KIF26B: variants seen among roughly 807,000 people sequenced by gnomAD.
KIF26B encodes the protein kinesin family member 26B, also known as kinesin-like protein KIF26B.
In KIF26B, 63 loss-of-function variants were observed where a neutral mutation model predicts 151.2. The ratio of observed to expected loss-of-function variants is 0.42; its 90% CI spans 0.34 to 0.51. KIF26B has a LOEUF of 0.51. Among genes scored for constraint, KIF26B ranks in the 20% least tolerant of loss-of-function variants. KIF26B has a pLI of 0.07. For synonymous variants in KIF26B, 1,357 were observed against 1,262.1 expected (o/e 1.08, Z -1.59); for missense variants, 2,813 against 2,913.6 (o/e 0.97, Z 0.79).
intron 5 of KIF26B, among the ~76,000 whole-genome samples, chr1:245,543,903 GCGCCACTGTA>G (rs1339184960): frequency 2.0e-5 from 3 of 152,104 alleles, no homozygotes; most frequent in Admixed American, 2.0e-4. Context: ...AGCAGAGATC[GCGCCACTGTA>G]CTCCAGCCTT....
intron 2 of KIF26B, among the ~76,000 whole-genome samples, chr1:245,198,399 G>A (rs980192140): frequency 2.0e-5 from 3 of 152,354 alleles, no homozygotes; most frequent in South Asian, 2.1e-4. Flanking sequence ...AAATAAAGAT[G>A]TAAAGTGATT....
chr1:245,258,118 G>C (rs568888772), intron 2 of KIF26B, among the ~76,000 whole-genome samples: 3 of 152,126 alleles, frequency 2.0e-5, no homozygotes, highest in Admixed American at 1.3e-4. Flanking sequence ...GGAGCTTGAC[G>C]TGGCTACTGT....
intron 4 of KIF26B, among the ~76,000 whole-genome samples, chr1:245,464,020 C>T (rs776527188): frequency 1.3e-5 from 2 of 152,190 alleles, no homozygotes; most frequent in Non-Finnish European, 2.9e-5. Flanking sequence ...CTCTGGAAAA[C>T]GTGCACAGAC....
Position 245,687,322 on chromosome 1 carries a change from G to A in KIF26B, c.4339G>A (p.Glu1447Lys). ...GGACCCGTGGCTGAAACGAGAAGAG[G>A]AAGTGAAAAAAGAGACGGCTCATCC... ...FEDPWLKREE[E>K]VKKETAHPNE... Residue 1447 changes from glutamate to lysine, a missense_variant, in exon 12 of 15, where the codon GAA (glutamate) becomes AAA (lysine). Around this residue, in one of 3 missense-constraint regions of KIF26B, gnomAD observed 2,060 missense variants for 2,088.6 expected, o/e 0.99. Transcript: ENST00000407071. The surrounding 1 kb of genome is among the most constrained non-coding windows in gnomAD (Gnocchi z 4.9). The A allele has an allele frequency of 6.2e-7, 1 of 1,602,292 alleles. No individual in the cohort carries two copies. The highest frequency in any genetic ancestry group is 2.3e-5 in the East Asian group (1 of 44,432).
In KIF26B at chr1:245,686,047, C is replaced by T. The variant is rs766305384; in HGVS notation, c.3064C>T (p.Pro1022Ser). The T allele has an allele frequency of 1.3e-6, 2 of 1,595,354 alleles. No individual in the cohort carries two copies. The highest frequency in any genetic ancestry group is 1.3e-5 in the African/African-American group (1 of 74,444). Residue 1022 changes from proline (P) to serine (S), a missense_variant, in exon 12 of 15, where the codon CCC (proline) becomes TCC (serine). Transcript: ENST00000407071. The surrounding 1 kb of genome is among the most constrained non-coding windows in gnomAD (Gnocchi z 5.6). ...CGCCCACAGCCCCAGCCCGGCCTCACCCAGGAGCGTCCCGGGCAGCAGTAG... is the reference window on the plus strand; with the variant it reads ...CGCCCACAGCCCCAGCCCGGCCTCATCCAGGAGCGTCCCGGGCAGCAGTAG... ...APAHSPSPAS[P>S]RSVPGSSSQH...
chr1:245,588,891 C>G (rs764530887), intron 5 of KIF26B, among the ~76,000 whole-genome samples: 1 of 152,116 alleles, frequency 6.6e-6, no homozygotes, highest in African/African-American at 2.4e-5. Context: ...AGTTACTGGA[C>G]GTTCTTGCTC....
chr1:245,573,102 CAAA>C (rs2103124094), intron 5 of KIF26B, among the ~76,000 whole-genome samples: 1 of 152,238 alleles, frequency 6.6e-6, no homozygotes, highest in South Asian at 2.1e-4. Flanking sequence ...AGACCAGAAA[CAAA>C]GGGTTATGCT....
Position 245,233,192 on chromosome 1 carries a change from C to T in KIF26B, c.465+76509C>T, listed in dbSNP as rs558369773. 6.6e-5 allele frequency among the ~76,000 whole-genome samples: 10 copies of T among 152,298 alleles called. No homozygotes were observed. The South Asian group carries it at 2.1e-3, about 32-fold the overall frequency. Reference sequence around the variant, plus strand: ...GAAATGATTAGGACACATTTCCATCCTCCAAGAGGCTCACAGGGCCCAGAA... The same window carrying T: ...GAAATGATTAGGACACATTTCCATCTTCCAAGAGGCTCACAGGGCCCAGAA... On this transcript the variant is annotated intron_variant, in intron 2 of 14. Transcript: ENST00000407071.
chr1:245,309,865 A>T (rs1396221985), intron 2 of KIF26B, among the ~76,000 whole-genome samples: 1 of 146,324 alleles, frequency 6.8e-6, no homozygotes, highest in Non-Finnish European at 1.5e-5. Context: ...TATTTAATAT[A>T]TATAATAAAT....
chr1:245,507,717 C>A (rs903018458), intron 4 of KIF26B, among the ~76,000 whole-genome samples: 1 of 152,108 alleles, frequency 6.6e-6, no homozygotes, highest in Non-Finnish European at 1.5e-5. Context: ...AGGAGAGTCC[C>A]GGGAGGCAGC....
At position 245,262,998 on chromosome 1, in the gene KIF26B, G is replaced by C. The variant is rs78340261; in HGVS notation, c.466-103836G>C. On this transcript the variant is annotated intron_variant, in intron 2 of 14. Coordinates refer to ENST00000407071, the MANE Select transcript of KIF26B (RefSeq NM_018012.4). The stretch of plus-strand genomic sequence containing the variant: ...ATACCTGGCACATAAGAAAAATTCT[G>C]TAAGTATTCATTGTTCTTGTTATTA... Among the ~76,000 whole-genome samples the C allele has an allele frequency of 1.9e-4, 29 of 152,324 alleles. No homozygotes were observed. The East Asian group carries it at 5.4e-3, about 28-fold the overall frequency.
chr1:245,467,634 C>G (rs542541744), intron 4 of KIF26B, among the ~76,000 whole-genome samples: 2 of 152,142 alleles, frequency 1.3e-5, no homozygotes, highest in Non-Finnish European at 2.9e-5. Context: ...GTGGCTCATG[C>G]CTGTAATCTC....
intron 2 of KIF26B, among the ~76,000 whole-genome samples, chr1:245,222,296 G>A (rs1282616758): frequency 6.6e-6 from 1 of 152,144 alleles, no homozygotes; most frequent in Admixed American, 6.6e-5. Context: ...AATTAGCCAG[G>A]TGTGGTGGTG....
chr1:245,399,913 GAA>G (rs1673953058), intron 3 of KIF26B, among the ~76,000 whole-genome samples: 1 of 152,046 alleles, frequency 6.6e-6, no homozygotes, highest in Non-Finnish European at 1.5e-5. Context: ...ATAATTTGCC[GAA>G]GTTTACTTTA....
chr1:245,592,250 G>T (rs1164397341), intron 5 of KIF26B, among the ~76,000 whole-genome samples: 1 of 152,178 alleles, frequency 6.6e-6, no homozygotes, highest in Non-Finnish European at 1.5e-5. Flanking sequence ...CGGCACCTCG[G>T]AGAAGCCAGC....
At chr1:245,363,990 T>C (rs1483020967) in intron 2 of KIF26B, among the ~76,000 whole-genome samples, 4 of 152,158 alleles carry the variant, frequency 2.6e-5, no homozygotes, top group South Asian at 4.2e-4. Context: ...GCTCCATGTA[T>C]GTACGGATTG....
Position 245,512,076 on chromosome 1 carries a change from T to C in KIF26B, c.1167-28691T>C, listed in dbSNP as rs1416482880. 1.3e-5 allele frequency among the ~76,000 whole-genome samples: 2 copies of C among 152,190 alleles called. No individual in the cohort carries two copies. The highest frequency in any genetic ancestry group is 3.8e-4 in the East Asian group (2 of 5,204). ...AGGTCATCAAAAGAGATGGCTGATATTTTTTATGGTCATTTGCAACTTTTT... is the reference window on the plus strand; with the variant it reads ...AGGTCATCAAAAGAGATGGCTGATACTTTTTATGGTCATTTGCAACTTTTT... On this transcript the variant is annotated intron_variant, in intron 4 of 14. Coordinates refer to ENST00000407071, the MANE Select transcript of KIF26B (RefSeq NM_018012.4). The surrounding 1 kb of genome is among the most constrained non-coding windows in gnomAD (Gnocchi z 4.3).
intron 2 of KIF26B, among the ~76,000 whole-genome samples, chr1:245,240,687 A>AG (rs1670198997): frequency 6.6e-6 from 1 of 152,208 alleles, no homozygotes; most frequent in African/African-American, 2.4e-5. Context: ...AAGAGCAACA[A>AG]GGGAAGTTTT....
In KIF26B at chr1:245,301,500, G is replaced by A. The variant is rs141735195; in HGVS notation, c.466-65334G>A. Reference sequence around the variant, plus strand: ...CGGCAGTGCATGAAAGTGGCTGCCTGGCCAAAGTCTGGCCGGGCTGCTTAG... The same window carrying A: ...CGGCAGTGCATGAAAGTGGCTGCCTAGCCAAAGTCTGGCCGGGCTGCTTAG... On this transcript the variant is annotated intron_variant, in intron 2 of 14. Coordinates refer to ENST00000407071, the MANE Select transcript of KIF26B (RefSeq NM_018012.4). 6.4e-3 allele frequency among the ~76,000 whole-genome samples: 972 copies of A among 152,284 alleles called. 10 individuals carry two copies. The highest frequency in any genetic ancestry group is 0.022 in the African/African-American group (899 of 41,542).
Sources: allele counts gnomAD v4.1 joint callset (sites outside exome capture counted in the v4.1 genomes callset), GRCh38; gene constraint gnomAD v4.1.1; regional missense constraint gnomAD v4.1.1; non-coding constraint Gnocchi (gnomAD v3.1); transcripts MANE v1.5; gene names NCBI Gene and HGNC (gene_info 2026-07-23, HGNC 2026-07-21).